Variants in TEK observed in about 807,000 individuals in gnomAD.
TEK encodes the protein TEK receptor tyrosine kinase.
Under a neutral mutation model 131.8 loss-of-function variants are expected in TEK, and 43 were observed. The observed-to-expected ratio is 0.33, with a 90% CI of 0.26 to 0.42. The LOEUF is 0.42. TEK is among the 10% of genes least tolerant of loss of function. TEK has a pLI of 1.00. For missense variants in TEK, 1,162 were observed against 1,384.4 expected (o/e 0.84, Z 2.55); for synonymous variants, 580 against 491.6 (o/e 1.18, Z -2.38).
At chr9:27,118,571 C>G (rs1278174788) in intron 1 of TEK, among the ~76,000 whole-genome samples, 3 of 152,164 alleles carry the variant, frequency 2.0e-5, no homozygotes, top group Non-Finnish European at 4.4e-5. Flanking sequence ...GGGTTTTAGG[C>G]TGCATGAATG....
At chr9:27,221,870 A>T (rs1308746665) in intron 21 of TEK, among the ~76,000 whole-genome samples, 5 of 152,234 alleles carry the variant, frequency 3.3e-5, no homozygotes, top group Admixed American at 3.3e-4. Flanking sequence ...CAGCAAGGGA[A>T]CAAAATTGGA....
At chr9:27,185,251 C>A (rs2273724) in intron 8 of TEK, among the ~76,000 whole-genome samples, 11,856 of 152,094 alleles carry the variant, frequency 0.078, 585 homozygotes, top group South Asian at 0.11. Flanking sequence ...TTACCCCGTA[C>A]TCCTAAACAC....
chr9:27,202,417 C>A (rs982851022), intron 12 of TEK, among the ~76,000 whole-genome samples: 1 of 152,168 alleles, frequency 6.6e-6, no homozygotes, highest in African/African-American at 2.4e-5. Flanking sequence ...CAGACCTCAG[C>A]ACTTACAGAA....
At chr9:27,163,153 C>T (rs555122113) in intron 2 of TEK, among the ~76,000 whole-genome samples, 4 of 152,236 alleles carry the variant, frequency 2.6e-5, no homozygotes, top group African/African-American at 7.2e-5. Flanking sequence ...TTTAAGACCC[C>T]ACTAATAATA....
chr9:27,200,686 A>G (rs900547144), intron 12 of TEK, among the ~76,000 whole-genome samples: 3 of 152,212 alleles, frequency 2.0e-5, no homozygotes, highest in Admixed American at 6.5e-5. Flanking sequence ...TAGCAATTAC[A>G]TCTGGTCCAG....
At chr9:27,214,159 G>T (rs1825734493) in intron 18 of TEK, among the ~76,000 whole-genome samples, 2 of 152,190 alleles carry the variant, frequency 1.3e-5, no homozygotes, top group Non-Finnish European at 2.9e-5. Context: ...GATTGCAGGA[G>T]AACCTAACCA....
At chr9:27,217,838 C>A in intron 19 of TEK, 80 bp downstream of exon 19, 2 of 1,273,648 alleles carry the variant, frequency 1.6e-6, no homozygotes, top group Non-Finnish European at 2.3e-6. Flanking sequence ...TAAAAAGATA[C>A]AGGAATGTCC....
chr9:27,200,763 G>A lies in TEK; in HGVS notation c.1910-2057G>A, dbSNP rs987411425. ...ATCATATGTTAAAAATAATATATGT[G>A]TGTTATGTTTTCCTGTTGGAAAACA... On this transcript the variant is annotated intron_variant, in intron 12 of 22. Coordinates refer to ENST00000380036, the MANE Select transcript of TEK (RefSeq NM_000459.5). Among the ~76,000 whole-genome samples the A allele has an allele frequency of 1.3e-5, 2 of 152,094 alleles. 1 individual carries two copies. Among genetic ancestry groups the A allele is most frequent in the African/African-American group, 4.8e-5 (2 of 41,408 alleles).
At chr9:27,212,282 G>T (rs1372230588) in intron 16 of TEK, among the ~76,000 whole-genome samples, 3 of 152,200 alleles carry the variant, frequency 2.0e-5, no homozygotes, top group Admixed American at 6.5e-5. Context: ...CTCAGGAATA[G>T]CTAGAGGCAG....
intron 6 of TEK, among the ~76,000 whole-genome samples, chr9:27,176,746 A>G (rs1824186060): frequency 6.6e-6 from 1 of 152,212 alleles, no homozygotes. Context: ...CAATACAGTA[A>G]TATTAAGTTT....
chr9:27,109,688 G>C (rs1821255240), intron 1 of TEK, 46 bp downstream of exon 1: 1 of 1,599,746 alleles, frequency 6.3e-7, no homozygotes, highest in Admixed American at 1.7e-5. Context: ...TTAAAAAACA[G>C]AGTTAGTGAT....
intron 21 of TEK, among the ~76,000 whole-genome samples, chr9:27,225,129 C>A (rs1487958273): frequency 6.6e-6 from 1 of 152,306 alleles, no homozygotes; most frequent in Non-Finnish European, 1.5e-5. Flanking sequence ...AATGGAAAAA[C>A]ATTCCATGCT....
chr9:27,145,694 T>G (rs1247582573), intron 1 of TEK, among the ~76,000 whole-genome samples: 1 of 152,240 alleles, frequency 6.6e-6, no homozygotes, highest in Admixed American at 6.5e-5. Flanking sequence ...TGTATTACTT[T>G]CAGTTACTGC....
In TEK at chr9:27,149,117, CATTT is replaced by C. The variant is rs1325386683; in HGVS notation, c.53-8702_53-8699del. ...TCACTGAAGGCCAATCTCACTCACTCATTTATTTATTTATTCATTCATCAATGTT... is the reference window on the plus strand; with the variant it reads ...TCACTGAAGGCCAATCTCACTCACTCATTTATTTATTCATTCATCAATGTT... On this transcript the variant is annotated intron_variant, in intron 1 of 22. Transcript: ENST00000380036. Among the ~76,000 whole-genome samples, 5 of 152,292 alleles carry C rather than the reference CATTT, an allele frequency of 3.3e-5. No individual in the cohort carries two copies. In the East Asian group the frequency reaches 9.6e-4, roughly 29 times the overall value.
chr9:27,226,121 A>C (rs1254958921), intron 21 of TEK, among the ~76,000 whole-genome samples: 2 of 152,232 alleles, frequency 1.3e-5, no homozygotes, highest in Non-Finnish European at 2.9e-5. Flanking sequence ...GAATGCTTTT[A>C]CACTGTTGGT....
chr9:27,121,635 C>T (rs747869760), intron 1 of TEK, among the ~76,000 whole-genome samples: 35 of 151,568 alleles, frequency 2.3e-4, no homozygotes, highest in Non-Finnish European at 3.4e-4. Context: ...GCATATGTAT[C>T]ATATCAGTCA....
At chr9:27,208,877 A>G (rs1825498925) in intron 15 of TEK, among the ~76,000 whole-genome samples, 2 of 151,822 alleles carry the variant, frequency 1.3e-5, no homozygotes, top group African/African-American at 4.8e-5. Flanking sequence ...ATTGGCATCT[A>G]GTTAGTAGAG....
At chr9:27,207,369 A>G (rs1364591096) in intron 15 of TEK, among the ~76,000 whole-genome samples, 1 of 152,228 alleles carries the variant, frequency 6.6e-6, no homozygotes, top group Non-Finnish European at 1.5e-5. Flanking sequence ...CTTGGGTAGC[A>G]TATGAAAATC....
chr9:27,115,551 T>A (rs1450098269), intron 1 of TEK, among the ~76,000 whole-genome samples: 4 of 152,080 alleles, frequency 2.6e-5, no homozygotes, highest in African/African-American at 9.7e-5. Flanking sequence ...AATATTTAAT[T>A]AAATGTCTAA....
Sources: gnomAD v4.1 joint callset for allele counts (sites outside exome capture counted in the v4.1 genomes callset) on GRCh38, gnomAD v4.1.1 for gene constraint, MANE v1.5 for transcripts, NCBI Gene and HGNC (gene_info 2026-07-23, HGNC 2026-07-21) for gene names.